HHIP: variants seen among roughly 807,000 people sequenced by gnomAD.
The protein encoded by HHIP is hedgehog-interacting protein.
Under a neutral mutation model 74.0 loss-of-function variants are expected in HHIP, and 12 were observed. The ratio of observed to expected loss-of-function variants is 0.16; its 90% CI spans 0.10 to 0.26. The LOEUF (loss-of-function observed/expected upper bound fraction) is 0.26, where lower values mean the gene tolerates loss of function less well. Among genes scored for constraint, HHIP ranks in the 10% least tolerant of loss-of-function variants. The probability of loss-of-function intolerance (pLI) is 1.00; values close to 1 mark genes in which losing one functional copy is unlikely to be tolerated. For missense variants in HHIP, 788 were observed against 845.0 expected, an observed-to-expected ratio of 0.93 and a Z score of 0.84; for synonymous variants, 309 against 311.6, an observed-to-expected ratio of 0.99 and a Z score of 0.09.
intron 11 of HHIP, among the ~76,000 whole-genome samples, chr4:144,723,613 A>G (rs1730699328): frequency 6.6e-6 from 1 of 152,114 alleles, no homozygotes; most frequent in Non-Finnish European, 1.5e-5. Flanking sequence ...TGGCCCCCCT[A>G]AGTTGATAAA....
chr4:144,666,452 C>G (rs1728865929), intron 4 of HHIP, among the ~76,000 whole-genome samples: 1 of 152,156 alleles, frequency 6.6e-6, no homozygotes, highest in Admixed American at 6.6e-5. Context: ...CTTTCATAGT[C>G]ATTTCATTGA....
chr4:144,663,984 C>T (rs1728787275), intron 4 of HHIP, among the ~76,000 whole-genome samples: 4 of 152,176 alleles, frequency 2.6e-5, no homozygotes, highest in Admixed American at 1.3e-4. Context: ...GGCAGGGTGG[C>T]CCCTCAAGGA....
rs540737201 is a variant in HHIP at position 144,734,591 on chromosome 4, A to G, written c.1761-150A>G. The G allele has an allele frequency of 2.1e-4, 107 of 512,690 alleles. No individual in the cohort carries two copies. In the Middle Eastern group the frequency reaches 2.8e-3, roughly 13 times the overall value. 31.8% of individuals were successfully genotyped at this position (512,690 alleles called of 1,614,324 possible). A position where few individuals can be genotyped will look rare whatever the true frequency, so the allele number is the denominator to read the frequency against. ...ACTGGTATGTATTTCCTATCCTTAGAAAGTTGTAAATCTGACTGAGTCACT... is the reference window on the plus strand; with the variant it reads ...ACTGGTATGTATTTCCTATCCTTAGGAAGTTGTAAATCTGACTGAGTCACT... On this transcript the variant is annotated intron_variant, in intron 11 of 12. Coordinates refer to ENST00000296575, the MANE Select transcript of HHIP (RefSeq NM_022475.3).
At chr4:144,688,169 A>G (rs935534848) in intron 4 of HHIP, among the ~76,000 whole-genome samples, 1 of 152,150 alleles carries the variant, frequency 6.6e-6, no homozygotes, top group Non-Finnish European at 1.5e-5. Flanking sequence ...TGAACATTGC[A>G]TAATAAACTA....
At chr4:144,719,356 G>A (rs1560719145) in intron 11 of HHIP, among the ~76,000 whole-genome samples, 1 of 152,288 alleles carries the variant, frequency 6.6e-6, no homozygotes. Flanking sequence ...TATGATTTTT[G>A]TTAAGTAAAC....
At chr4:144,727,169 A>G (rs1730828020) in intron 11 of HHIP, among the ~76,000 whole-genome samples, 1 of 152,210 alleles carries the variant, frequency 6.6e-6, no homozygotes, top group South Asian at 2.1e-4. Flanking sequence ...GGGTACCAGC[A>G]TGGTTGGATG....
intron 11 of HHIP, among the ~76,000 whole-genome samples, chr4:144,725,049 T>C (rs1730757701): frequency 6.6e-6 from 1 of 152,150 alleles, no homozygotes; most frequent in Non-Finnish European, 1.5e-5. Flanking sequence ...CACCACTATC[T>C]CTTGTAGGAC....
At chr4:144,732,601 T>G (rs1385757048) in intron 11 of HHIP, among the ~76,000 whole-genome samples, 1 of 152,182 alleles carries the variant, frequency 6.6e-6, no homozygotes, top group African/African-American at 2.4e-5. Context: ...CTTTTCCCAG[T>G]GCCCATGAAT....
intron 4 of HHIP, among the ~76,000 whole-genome samples, chr4:144,698,336 C>T (rs1656712627): frequency 6.6e-6 from 1 of 152,134 alleles, no homozygotes; most frequent in African/African-American, 2.4e-5. Flanking sequence ...CAATGGTGGT[C>T]CCATAAGATT....
chr4:144,669,508 A>G (rs1056953489), intron 4 of HHIP, among the ~76,000 whole-genome samples: 1 of 152,204 alleles, frequency 6.6e-6, no homozygotes, highest in Non-Finnish European at 1.5e-5. Flanking sequence ...CTCACTTAAA[A>G]TATTATGCAA....
At position 144,693,161 on chromosome 4, in the gene HHIP, A is replaced by G. The variant is rs137946618; in HGVS notation, c.832-13370A>G. 2.6e-3 allele frequency among the ~76,000 whole-genome samples: 394 copies of G among 152,274 alleles called. 3 individuals carry two copies. The highest frequency in any genetic ancestry group is 9.1e-3 in the African/African-American group (379 of 41,562). On this transcript the variant is annotated intron_variant, in intron 4 of 12. Coordinates refer to ENST00000296575, the MANE Select transcript of HHIP (RefSeq NM_022475.3). ...CCACTATAAACACTTCATTTGCCCT[A>G]CAATTTAGAATCAGGAACTAATCTC...
At chr4:144,666,797 T>C (rs1450224844) in intron 4 of HHIP, among the ~76,000 whole-genome samples, 17 of 152,218 alleles carry the variant, frequency 1.1e-4, no homozygotes, top group Non-Finnish European at 1.0e-4. Flanking sequence ...CTGACCACTG[T>C]TCCTACCAAG....
Position 144,674,255 on chromosome 4 carries a change from A to G in HHIP, c.831+14417A>G, listed in dbSNP as rs573105596. Among the ~76,000 whole-genome samples, 4 of 152,360 alleles carry G rather than the reference A, an allele frequency of 2.6e-5. No individual in the cohort carries two copies. In the South Asian group the frequency reaches 8.3e-4, roughly 32 times the overall value. On this transcript the variant is annotated intron_variant, in intron 4 of 12. Transcript: ENST00000296575. ...CTGTATCCCACACACAGTGTCAAAT[A>G]ATGTTTTAATTTTGTCCAATGAACA... is the stretch of plus-strand genomic sequence containing the variant.
intron 4 of HHIP, among the ~76,000 whole-genome samples, chr4:144,685,412 A>T (rs560127412): frequency 4.6e-4 from 70 of 152,366 alleles, no homozygotes; most frequent in Non-Finnish European, 9.1e-4. Flanking sequence ...TAACTATACT[A>T]TGTGTGATAT....
intron 7 of HHIP, among the ~76,000 whole-genome samples, chr4:144,710,821 C>A (rs1431423278): frequency 6.6e-6 from 1 of 152,132 alleles, no homozygotes; most frequent in African/African-American, 2.4e-5. Flanking sequence ...AATTACCTGG[C>A]CCAAAATGTC....
intron 7 of HHIP, among the ~76,000 whole-genome samples, chr4:144,710,130 C>T (rs1730252537): frequency 6.6e-6 from 1 of 152,186 alleles, no homozygotes; most frequent in South Asian, 2.1e-4. Flanking sequence ...TGGTATTCAG[C>T]CAGAGCCATA....
intron 6 of HHIP, among the ~76,000 whole-genome samples, chr4:144,707,557 C>T (rs1435633220): frequency 7.0e-6 from 1 of 143,526 alleles, no homozygotes; most frequent in South Asian, 2.3e-4. Context: ...CCTCTCAACA[C>T]TGTGTAATAG....
rs1172514724 is a variant in HHIP, at chr4:144,732,277, C to A, written c.1761-2464C>A. Among the ~76,000 whole-genome samples, 6 of 151,992 alleles carry A rather than the reference C, an allele frequency of 3.9e-5. No individual in the cohort carries two copies. The East Asian group carries it at 1.2e-3, about 29-fold the overall frequency. ...TGTGTAGAACAAAAAAAGATAATTT[C>A]TCCCGGTATTTAAATAAAACTTGAG... On this transcript the variant is annotated intron_variant, in intron 11 of 12. Coordinates refer to ENST00000296575, the MANE Select transcript of HHIP (RefSeq NM_022475.3).
At chr4:144,655,406 G>T (rs2220514) in intron 2 of HHIP, among the ~76,000 whole-genome samples, 1 of 151,912 alleles carries the variant, frequency 6.6e-6, no homozygotes, top group African/African-American at 2.4e-5. Flanking sequence ...GAAGCATATC[G>T]ATGGACGTCT....
Sources: allele counts gnomAD v4.1 joint callset (sites outside exome capture counted in the v4.1 genomes callset), GRCh38; gene constraint gnomAD v4.1.1; transcripts MANE v1.5; gene names NCBI Gene and HGNC (gene_info 2026-07-23, HGNC 2026-07-21).